The following GUCY2C variants were observed in gnomAD, a reference collection of about 807,000 sequenced individuals.
GUCY2C encodes the protein guanylate cyclase 2C.
In GUCY2C, 118 loss-of-function variants were observed where a neutral mutation model predicts 131.1. The ratio of observed to expected loss-of-function variants is 0.90; its 90% CI spans 0.78 to 1.05. GUCY2C has a LOEUF of 1.05. GUCY2C is among the 50% of genes least tolerant of loss of function. The probability of loss-of-function intolerance (pLI) is 0.00; values close to 1 mark genes in which losing one functional copy is unlikely to be tolerated. For missense variants in GUCY2C, 1,161 were observed against 1,304.4 expected (o/e 0.89, Z 1.69); for synonymous variants, 452 against 457.8 (o/e 0.99, Z 0.16).
At chr12:14,679,086 G>A (rs1948294106) in intron 6 of GUCY2C, among the ~76,000 whole-genome samples, 1 of 152,122 alleles carries the variant, frequency 6.6e-6, no homozygotes, top group Non-Finnish European at 1.5e-5. Flanking sequence ...AGTAATCTAG[G>A]ACCAAAGGCC....
At chr12:14,683,743 C>T (rs1303341427) in intron 3 of GUCY2C, among the ~76,000 whole-genome samples, 1 of 152,218 alleles carries the variant, frequency 6.6e-6, no homozygotes, top group African/African-American at 2.4e-5. Flanking sequence ...CATCCCCTTA[C>T]ATCTTCAGTG....
At chr12:14,687,538 C>T (rs1400753467) in intron 2 of GUCY2C, among the ~76,000 whole-genome samples, 9 of 152,078 alleles carry the variant, frequency 5.9e-5, no homozygotes, top group South Asian at 4.1e-4. Context: ...GGACAATCAC[C>T]TGAGCCCAGG....
intron 15 of GUCY2C, among the ~76,000 whole-genome samples, chr12:14,646,983 A>T (rs562648670): frequency 1.3e-5 from 2 of 152,326 alleles, no homozygotes; most frequent in East Asian, 3.9e-4. Context: ...GGGGTTTGTT[A>T]TGAAGATTAA....
At chr12:14,636,982 A>G (rs1461529586) in intron 19 of GUCY2C, among the ~76,000 whole-genome samples, 1 of 151,978 alleles carries the variant, frequency 6.6e-6, no homozygotes, top group Non-Finnish European at 1.5e-5. Flanking sequence ...AATCCCTGCT[A>G]CTTGGGAGGC....
chr12:14,695,232 C>T (rs1224022612), intron 1 of GUCY2C, among the ~76,000 whole-genome samples: 5 of 152,130 alleles, frequency 3.3e-5, no homozygotes, highest in African/African-American at 9.7e-5. Flanking sequence ...AGACTGGAAA[C>T]ATCCAGGTGG....
At position 14,683,289 on chromosome 12, in the gene GUCY2C, A is replaced by C. The variant is rs148987968; in HGVS notation, c.396-32T>G. 639 of 1,385,300 alleles carry C rather than the reference A, an allele frequency of 4.6e-4. 2 individuals carry two copies. Among genetic ancestry groups the C allele is most frequent in the African/African-American group, 4.5e-3 (321 of 70,560 alleles). 85.8% of individuals were successfully genotyped at this position (1,385,300 alleles called of 1,614,324 possible). A position where few individuals can be genotyped will look rare whatever the true frequency, so the allele number is the denominator to read the frequency against. On this transcript the variant is annotated intron_variant, in intron 3 of 26. Coordinates refer to ENST00000261170, the MANE Select transcript of GUCY2C (RefSeq NM_004963.4). Reference sequence around the variant, plus strand: ...CAAGAGGTTGAGGAAAAAAGCCATTATCAGTATTAACTTAAGTAGCACAAA... The same window carrying C: ...CAAGAGGTTGAGGAAAAAAGCCATTCTCAGTATTAACTTAAGTAGCACAAA...
chr12:14,653,128 G>C, intron 12 of GUCY2C, 114 bp from the exon 13 acceptor site: 1 of 810,246 alleles, frequency 1.2e-6, no homozygotes. Flanking sequence ...TCAATAACAT[G>C]CTGGGCAAGC....
At position 14,613,016 on chromosome 12, in the gene GUCY2C, C is replaced by T; in HGVS notation, c.*101G>A. 2 of 926,852 alleles carry T rather than the reference C, an allele frequency of 2.2e-6. No individual in the cohort carries two copies. The highest frequency in any genetic ancestry group is 3.4e-6 in the Non-Finnish European group (2 of 586,764). The allele number at this position is 926,852 out of a possible 1,614,324, so 57.4% of individuals were successfully genotyped here. A position where few individuals can be genotyped will look rare whatever the true frequency, so the allele number is the denominator to read the frequency against. On this transcript the variant is annotated 3_prime_UTR_variant, in exon 27 of 27. Coordinates refer to ENST00000261170, the MANE Select transcript of GUCY2C (RefSeq NM_004963.4). The surrounding 1 kb of genome is among the most constrained non-coding windows in gnomAD (Gnocchi z 4.9). Reference sequence around the variant, plus strand: ...GCCAAGCCTAAGTACATTTCTGCTTCATTGAGGTCTCAGGAAAATGTAAGC... The same window carrying T: ...GCCAAGCCTAAGTACATTTCTGCTTTATTGAGGTCTCAGGAAAATGTAAGC...
At position 14,660,959 on chromosome 12, in the gene GUCY2C, G is replaced by A. The variant is rs779090794; in HGVS notation, c.1364+22C>T. ...CCTGCCTCTCTGGATACCGAACACA[G>A]GCATGATAGAGGCGGCTGTACCTGA... On this transcript the variant is annotated intron_variant, in intron 11 of 26. Coordinates refer to ENST00000261170, the MANE Select transcript of GUCY2C (RefSeq NM_004963.4). 3.3e-6 allele frequency: 5 copies of A among 1,528,804 alleles called. No homozygotes were observed. The South Asian group carries it at 4.5e-5, about 14-fold the overall frequency. The allele number at this position is 1,528,804 out of a possible 1,614,324, so 94.7% of individuals were successfully genotyped here.
chr12:14,688,213 T>G, intron 1 of GUCY2C, 150 bp from the exon 2 acceptor site: 1 of 598,272 alleles, frequency 1.7e-6, no homozygotes, highest in Non-Finnish European at 3.0e-6. Flanking sequence ...TCCTGGTCAC[T>G]TTTTTCCTCT....
intron 12 of GUCY2C, among the ~76,000 whole-genome samples, chr12:14,653,937 G>C (rs11056082): frequency 0.84 from 128,150 of 152,206 alleles, 57,813 homozygotes; most frequent in Non-Finnish European, 0.99. Context: ...GCAGAACCTA[G>C]GCTTGTCTTC....
intron 4 of GUCY2C, among the ~76,000 whole-genome samples, chr12:14,682,462 C>T (rs1269931897): frequency 6.6e-6 from 1 of 152,170 alleles, no homozygotes; most frequent in Non-Finnish European, 1.5e-5. Flanking sequence ...TTCCTGGGGC[C>T]TCCCCAGCTA....
In GUCY2C at chr12:14,676,854, T is replaced by G. The variant is rs771738557; in HGVS notation, c.948A>C (p.Pro316=). ...ACTATAACATAAAATAATAGCTTAC[T>G]GGTGATAGATTCCTGGAGAAAGAGC... ...LNSSFSRNLS[P]TKRDFALAYL... The change falls in exon 7 of 27, where the codon CCA becomes CCC. Residue 316 remains proline, a splice_region_variant and synonymous_variant. Transcript: ENST00000261170. 11 of 1,119,978 alleles carry G rather than the reference T, an allele frequency of 9.8e-6. 2 individuals are homozygous for G. The highest frequency in any genetic ancestry group is 2.0e-4 in the Middle Eastern group (1 of 4,884). 69.4% of individuals were successfully genotyped at this position (1,119,978 alleles called of 1,614,324 possible).
chr12:14,685,403 C>T (rs556283195), intron 3 of GUCY2C, among the ~76,000 whole-genome samples: 2 of 152,252 alleles, frequency 1.3e-5, no homozygotes, highest in African/African-American at 2.4e-5. Context: ...AATGTTTACT[C>T]TCCAAAATCC....
Position 14,669,795 on chromosome 12 carries a change from C to T in GUCY2C, c.1209G>A (p.Lys403=), listed in dbSNP as rs1362289415. 1.2e-5 allele frequency: 20 copies of T among 1,601,434 alleles called. No homozygotes were observed. Among genetic ancestry groups the T allele is most frequent in the East Asian group, 2.2e-5 (1 of 44,586 alleles). The part of the protein sequence containing the change: ...VLLTYDTHVN[K]TYPVDMSPTF... ...TGGGGCTCATATCCACAGGATAGGT[C>T]TTATTTACGTGGGTATCATAGGTCA... is the stretch of plus-strand genomic sequence containing the variant. Residue 403 remains lysine, a synonymous_variant, in exon 10 of 27, where the codon AAG becomes AAA. Coordinates refer to ENST00000261170, the MANE Select transcript of GUCY2C (RefSeq NM_004963.4).
rs1430843915 is a variant in GUCY2C, at chr12:14,621,169, C to G, written c.2649G>C (p.Lys883Asn). The G allele has an allele frequency of 4.3e-6, 7 of 1,613,788 alleles. No individual in the cohort carries two copies. Among genetic ancestry groups the G allele is most frequent in the Non-Finnish European group, 5.9e-6 (7 of 1,179,860 alleles). The change falls in exon 23 of 27, where the codon AAG becomes AAC. Residue 883 changes from lysine (K) to asparagine (N), a missense_variant. By Grantham distance (94) the Lys-to-Asn change is moderately conservative. Coordinates refer to ENST00000261170, the MANE Select transcript of GUCY2C (RefSeq NM_004963.4). ...DAYMVASGLP[K>N]RNGNRHAIDI... Reference sequence around the variant, plus strand: ...CTATTGCATGCCGATTGCCATTTCTCTTAGGCAAACCACTAGCCACCATGT... The same window carrying G: ...CTATTGCATGCCGATTGCCATTTCTGTTAGGCAAACCACTAGCCACCATGT...
intron 25 of GUCY2C, 91 bp downstream of exon 25, chr12:14,616,542 G>A (rs1946766021): frequency 2.5e-6 from 2 of 785,292 alleles, no homozygotes; most frequent in African/African-American, 1.7e-5. Context: ...AAGAGGATTA[G>A]CATGCTCAAC....
chr12:14,674,799 A>T, intron 7 of GUCY2C, 39 bp from the exon 8 acceptor site: 2 of 1,512,768 alleles, frequency 1.3e-6, no homozygotes, highest in Non-Finnish European at 1.8e-6. Context: ...GGTCCTTCAA[A>T]AAAGAATCTT....
At chr12:14,629,968 T>A (rs962460588) in intron 19 of GUCY2C, among the ~76,000 whole-genome samples, 1 of 152,072 alleles carries the variant, frequency 6.6e-6, no homozygotes, top group Non-Finnish European at 1.5e-5. Context: ...GTGGTAGATT[T>A]TTAAGCTCTT....
Sources: gnomAD v4.1 joint callset for allele counts (sites outside exome capture counted in the v4.1 genomes callset) on GRCh38, gnomAD v4.1.1 for gene constraint, Gnocchi (gnomAD v3.1) non-coding constraint, MANE v1.5 for transcripts, NCBI Gene and HGNC (gene_info 2026-07-23, HGNC 2026-07-21) for gene names.